Variants in UGT1A6 observed in about 807,000 individuals in gnomAD.
UGT1A6 encodes the protein UDP glucuronosyltransferase family 1 member A6, also known as UDP-glucuronosyltransferase 1A6.
A neutral mutation model predicts 44.4 loss-of-function variants in UGT1A6; 32 were observed. The observed-to-expected ratio is 0.72, with a 90% CI of 0.54 to 0.97. The LOEUF is 0.97. Among genes scored for constraint, UGT1A6 ranks in the 50% least tolerant of loss-of-function variants. The probability of loss-of-function intolerance (pLI) is 0.00; values close to 1 mark genes in which losing one functional copy is unlikely to be tolerated. For synonymous variants in UGT1A6, 238 were observed against 248.5 expected (o/e 0.96, Z 0.40); for missense variants, 685 against 661.9 (o/e 1.03, Z -0.38).
At chr2:233,748,647 C>A (rs1378497880) in intron 1 of UGT1A6, among the ~76,000 whole-genome samples, 4 of 151,722 alleles carry the variant, frequency 2.6e-5, no homozygotes, top group African/African-American at 9.7e-5. Flanking sequence ...GAATTACACA[C>A]TGAGTTCAGT....
chr2:233,724,133 G>C (rs1298685512), intron 1 of UGT1A6, among the ~76,000 whole-genome samples: 1 of 34,684 alleles, frequency 2.9e-5, no homozygotes, highest in East Asian at 6.1e-4. Flanking sequence ...CTCACCTCCC[G>C]GACGGGGCGG....
intron 1 of UGT1A6, among the ~76,000 whole-genome samples, chr2:233,704,599 G>A (rs557882301): frequency 2.0e-5 from 3 of 152,196 alleles, no homozygotes; most frequent in African/African-American, 7.2e-5. Flanking sequence ...AGAAAGAAGA[G>A]CAAGTATGTA....
chr2:233,694,980 T>C (rs1559347532), intron 1 of UGT1A6, among the ~76,000 whole-genome samples: 1 of 152,352 alleles, frequency 6.6e-6, no homozygotes, highest in South Asian at 2.1e-4. Flanking sequence ...CTTCCTTATG[T>C]TGGGAACATT....
At chr2:233,742,331 G>A (rs1268078196) in intron 1 of UGT1A6, among the ~76,000 whole-genome samples, 3 of 151,974 alleles carry the variant, frequency 2.0e-5, no homozygotes, top group South Asian at 4.1e-4. Context: ...GAAACAAAGG[G>A]ATGGGCTCTG....
rs1022651903 is a variant in UGT1A6, at chr2:233,768,540, A to G, written c.1301+101A>G. ...CGTAGCATTTAATAGCGTTGTTTCA[A>G]ATATAAAAACAAATACATAAAAATC... On this transcript the variant is annotated intron_variant, in intron 4 of 4. Transcript: ENST00000305139. The G allele has an allele frequency of 7.3e-6, 11 of 1,497,966 alleles. No individual in the cohort carries two copies. The African/African-American group carries it at 1.4e-4, about 19-fold the overall frequency. The allele number at this position is 1,497,966 out of a possible 1,614,324, so 92.8% of individuals were successfully genotyped here.
At chr2:233,748,060 A>G in intron 1 of UGT1A6, 2 of 1,613,404 alleles carry the variant, frequency 1.2e-6, no homozygotes, top group Non-Finnish European at 1.7e-6. Flanking sequence ...AACTGTGCCA[A>G]CAGGAAGCCA....
At position 233,709,733 on chromosome 2, in the gene UGT1A6, T is replaced by C. The variant is rs190992275; in HGVS notation, c.861+15868T>C. Reference sequence around the variant, plus strand: ...AATTGAATGATATGTTTTCAATTGATACTACTAAAATAAACATTATTGGAG... The same window carrying C: ...AATTGAATGATATGTTTTCAATTGACACTACTAAAATAAACATTATTGGAG... On this transcript the variant is annotated intron_variant, in intron 1 of 4. Coordinates refer to ENST00000305139, the MANE Select transcript of UGT1A6 (RefSeq NM_001072.4). Among the ~76,000 whole-genome samples the C allele has an allele frequency of 3.6e-3, 552 of 152,338 alleles. 2 individuals are homozygous for C. Among genetic ancestry groups the C allele is most frequent in the Admixed American group, 8.6e-3 (131 of 15,306 alleles).
chr2:233,702,373 G>A (rs905615069), intron 1 of UGT1A6, among the ~76,000 whole-genome samples: 3 of 151,954 alleles, frequency 2.0e-5, no homozygotes, highest in African/African-American at 7.3e-5. Context: ...GATTTCGTAG[G>A]ATTTTCTACA....
chr2:233,768,757 A>AT (rs2126041506), intron 4 of UGT1A6, among the ~76,000 whole-genome samples: 1 of 151,338 alleles, frequency 6.6e-6, no homozygotes, highest in African/African-American at 2.4e-5. Context: ...TAATTTTTGT[A>AT]TTTTTTAGTA....
intron 1 of UGT1A6, among the ~76,000 whole-genome samples, chr2:233,764,785 C>T (rs567027233): frequency 9.9e-5 from 15 of 152,240 alleles, no homozygotes; most frequent in African/African-American, 3.4e-4. Flanking sequence ...GAAAAACCAT[C>T]CTCAGGGTGT....
chr2:233,754,759 C>T lies in UGT1A6; in HGVS notation c.862-12275C>T, dbSNP rs188420016. 6.3e-5 allele frequency: 56 copies of T among 893,964 alleles called. No individual in the cohort carries two copies. In the African/African-American group the frequency reaches 8.1e-4, roughly 13 times the overall value. 55.4% of individuals were successfully genotyped at this position (893,964 alleles called of 1,614,324 possible). On this transcript the variant is annotated intron_variant, in intron 1 of 4. Transcript: ENST00000305139. ...TAGGACATGCAGAAGGAAGAAAGGCCCCCACTTCCCAGGGAGCCAAAGGAA... is the reference window on the plus strand; with the variant it reads ...TAGGACATGCAGAAGGAAGAAAGGCTCCCACTTCCCAGGGAGCCAAAGGAA...
intron 1 of UGT1A6, among the ~76,000 whole-genome samples, chr2:233,706,902 A>C (rs1389391522): frequency 6.6e-6 from 1 of 152,198 alleles, no homozygotes; most frequent in Non-Finnish European, 1.5e-5. Flanking sequence ...GGCATTTTAC[A>C]ATCCTAGCTG....
chr2:233,697,564 T>C (rs2075398532), intron 1 of UGT1A6, among the ~76,000 whole-genome samples: 1 of 151,906 alleles, frequency 6.6e-6, no homozygotes, highest in Non-Finnish European at 1.5e-5. Flanking sequence ...TTAGCCTCAA[T>C]TTAATTTATT....
intron 1 of UGT1A6, chr2:233,743,569 T>C (rs974809984): frequency 7.3e-7 from 1 of 1,367,258 alleles, no homozygotes; most frequent in Non-Finnish European, 9.8e-7. Context: ...CCAGCGGGTT[T>C]CCCAAGAGGT....
At position 233,763,627 on chromosome 2, in the gene UGT1A6, G is replaced by A. The variant is rs1698360678; in HGVS notation, c.862-3407G>A. Among the ~76,000 whole-genome samples, 2 of 152,126 alleles carry A rather than the reference G, an allele frequency of 1.3e-5. 1 individual carries two copies. Among genetic ancestry groups the A allele is most frequent in the Admixed American group, 1.3e-4 (2 of 15,272 alleles). ...CACTCTGCACTACCATTCCTCTTGT[G>A]TTGATGGTCCTATTCTCAATACTCT... On this transcript the variant is annotated intron_variant, in intron 1 of 4. Transcript: ENST00000305139.
intron 1 of UGT1A6, chr2:233,747,346 G>C (rs1006096980): frequency 6.2e-7 from 1 of 1,603,162 alleles, no homozygotes; most frequent in East Asian, 2.2e-5. Context: ...GCTCGCATGC[G>C]GGAGGCCGTG....
intron 1 of UGT1A6, among the ~76,000 whole-genome samples, chr2:233,741,100 C>A (rs1335319606): frequency 1.3e-5 from 2 of 151,794 alleles, no homozygotes; most frequent in Non-Finnish European, 2.9e-5. Context: ...AGCAAACAGA[C>A]AATCAAGCTT....
intron 1 of UGT1A6, among the ~76,000 whole-genome samples, chr2:233,763,849 G>A (rs1198525346): frequency 6.6e-6 from 1 of 152,198 alleles, no homozygotes; most frequent in East Asian, 1.9e-4. Context: ...GATAGCAGTG[G>A]TTCACAGACA....
intron 1 of UGT1A6, among the ~76,000 whole-genome samples, chr2:233,720,075 T>G (rs1197503417): frequency 1.3e-5 from 2 of 152,302 alleles, no homozygotes; most frequent in Middle Eastern, 3.4e-3. Context: ...ATTAGAATTG[T>G]GGACATGATA....
Sources: gnomAD v4.1 joint callset for allele counts (sites outside exome capture counted in the v4.1 genomes callset) on GRCh38, gnomAD v4.1.1 for gene constraint, MANE v1.5 for transcripts, NCBI Gene and HGNC (gene_info 2026-07-23, HGNC 2026-07-21) for gene names.